The following RFLNA variants were observed in gnomAD, a reference collection of about 807,000 sequenced individuals.
The protein encoded by RFLNA is refilin-A.
In RFLNA, 5 loss-of-function variants were observed where a neutral mutation model predicts 7.8. That is an observed-to-expected ratio of 0.64 (90% CI 0.34 to 1.35). The LOEUF is 1.35. Among genes scored for constraint, RFLNA ranks in the 40% most tolerant of loss-of-function variants. RFLNA has a pLI of 0.04. For missense variants in RFLNA, 278 were observed against 305.5 expected (o/e 0.91, Z 0.67); for synonymous variants, 141 against 131.3 (o/e 1.07, Z -0.50).
chr12:124,306,788 G>A lies in RFLNA; in HGVS notation c.208-5030G>A, dbSNP rs1388518437. ...AAAAGCTCTGCATCCTCATTGTCCA[G>A]GCAGGTATGGGGGCGGCGGGGAGGG... On this transcript the variant is annotated intron_variant, in intron 1 of 2. Transcript: ENST00000546355. The surrounding 1 kb of genome is among the most constrained non-coding windows in gnomAD (Gnocchi z 5.2). Among the ~76,000 whole-genome samples, 1 of 152,184 alleles carries A rather than the reference G, an allele frequency of 6.6e-6. No individual in the cohort carries two copies. The highest frequency in any genetic ancestry group is 2.4e-5 in the African/African-American group (1 of 41,438).
chr12:124,291,707 C>T (rs1243707990), upstream of RFLNA, among the ~76,000 whole-genome samples: 4 of 143,324 alleles, frequency 2.8e-5, no homozygotes, highest in Non-Finnish European at 3.0e-5. Flanking sequence ...AATGGCTCTC[C>T]GTGAAAAAGC....
intron 2 of RFLNA, among the ~76,000 whole-genome samples, chr12:124,313,984 G>A (rs1281807311): frequency 2.6e-5 from 4 of 152,122 alleles, no homozygotes; most frequent in Non-Finnish European, 5.9e-5. Context: ...CCTTCATTGC[G>A]TTTAGCTGTC....
chr12:124,292,572 G>C (rs1377827996), upstream of RFLNA, among the ~76,000 whole-genome samples: 1 of 152,242 alleles, frequency 6.6e-6, no homozygotes, highest in Non-Finnish European at 1.5e-5. Context: ...GAATAGGTCA[G>C]AGGTCATGGT....
At chr12:124,309,300 G>A (rs568858108) in intron 1 of RFLNA, among the ~76,000 whole-genome samples, 134 of 152,272 alleles carry the variant, frequency 8.8e-4, no homozygotes, top group African/African-American at 3.1e-3. Flanking sequence ...TTGCCCTGTC[G>A]ACCACAGCCC....
upstream of RFLNA, among the ~76,000 whole-genome samples, chr12:124,290,998 C>T (rs1014566085): frequency 1.3e-5 from 2 of 152,146 alleles, no homozygotes; most frequent in Admixed American, 6.5e-5. This position sits in a 1 kb window ranked among gnomAD's most constrained non-coding sequence, Gnocchi z 4.0. Flanking sequence ...CTCCAATGCG[C>T]TCAGATGGCC....
intron 1 of RFLNA, among the ~76,000 whole-genome samples, chr12:124,309,815 G>A (rs1284591588): frequency 6.6e-6 from 1 of 152,150 alleles, no homozygotes; most frequent in African/African-American, 2.4e-5. Flanking sequence ...GTTCCCAACG[G>A]GTTGGCGGTG....
intron 2 of RFLNA, 23 bp from the exon 3 acceptor site, chr12:124,314,169 C>T (rs746084849): frequency 1.8e-5 from 28 of 1,597,384 alleles, no homozygotes; most frequent in Non-Finnish European, 2.1e-5. Flanking sequence ...GGGTTCACTC[C>T]GCTTCCCTCC....
At chr12:124,290,401 C>CATGTGTATATGTAGGTA (rs2033803098), upstream of RFLNA, among the ~76,000 whole-genome samples, 2 of 151,910 alleles carry the variant, frequency 1.3e-5, no homozygotes, top group African/African-American at 4.8e-5. The surrounding 1 kb of genome is among the most constrained non-coding windows in gnomAD (Gnocchi z 4.0). Flanking sequence ...TATGTGTTTA[C>CATGTGTATATGTAGGTA]CTGTGTATAT....
upstream of RFLNA, among the ~76,000 whole-genome samples, chr12:124,290,335 CAT>C (rs1167807146): frequency 3.9e-5 from 6 of 151,906 alleles, no homozygotes; most frequent in African/African-American, 4.8e-5. The surrounding 1 kb of genome is among the most constrained non-coding windows in gnomAD (Gnocchi z 4.0). Context: ...TGTGCATTTG[CAT>C]ATGTGTGTGC....
intron 1 of RFLNA, among the ~76,000 whole-genome samples, chr12:124,298,094 G>A (rs564321125): frequency 3.9e-5 from 6 of 152,306 alleles, no homozygotes; most frequent in Non-Finnish European, 8.8e-5. Context: ...CGTTTGGCAG[G>A]GTGGGTGTCT....
Position 124,314,641 on chromosome 12 carries a change from C to T in RFLNA, c.*116C>T. ...GGGCAGGAGGCGGGAAGGGAGGCTGCCAGACCAAGGACCCGTGTGGAAGGA... is the reference window on the plus strand; with the variant it reads ...GGGCAGGAGGCGGGAAGGGAGGCTGTCAGACCAAGGACCCGTGTGGAAGGA... On this transcript the variant is annotated 3_prime_UTR_variant, in exon 3 of 3. Transcript: ENST00000546355. 6.7e-7 allele frequency: 1 copy of T among 1,498,744 alleles called. No homozygotes were observed. The highest frequency in any genetic ancestry group is 9.0e-7 in the Non-Finnish European group (1 of 1,113,604). The allele number at this position is 1,498,744 out of a possible 1,614,324, so 92.8% of individuals were successfully genotyped here. A position where few individuals can be genotyped will look rare whatever the true frequency, so the allele number is the denominator to read the frequency against.
In RFLNA at chr12:124,314,925, C is replaced by A; in HGVS notation, c.*400C>A. 2.7e-6 allele frequency: 1 copy of A among 374,474 alleles called. No homozygotes were observed. The allele number at this position is 374,474 out of a possible 1,614,324, so 23.2% of individuals were successfully genotyped here. The stretch of plus-strand genomic sequence containing the variant: ...TCAGCCGGTGGGGACGGCTGCCACT[C>A]CCCCAGAGCCCTGCCACCCCATGTG... On this transcript the variant is annotated 3_prime_UTR_variant, in exon 3 of 3. Coordinates refer to ENST00000546355, the MANE Select transcript of RFLNA (RefSeq NM_001365156.1).
At chr12:124,294,390 G>A (rs1437960901), upstream of RFLNA, among the ~76,000 whole-genome samples, 1 of 152,206 alleles carries the variant, frequency 6.6e-6, no homozygotes, top group Non-Finnish European at 1.5e-5. Context: ...GGGCGTCTGT[G>A]TGGCTGGGCG....
Position 124,314,439 on chromosome 12 carries a change from C to T in RFLNA, c.565C>T (p.Arg189Trp), listed in dbSNP as rs753625556. 33 of 1,601,444 alleles carry T rather than the reference C, an allele frequency of 2.1e-5. No individual in the cohort carries two copies. The East Asian group carries it at 4.5e-4, about 22-fold the overall frequency. ...FRTTLHCSLGRPSRWFTASVQ... is the reference protein window; with the variant it reads ...FRTTLHCSLGWPSRWFTASVQ... ...GACCACCCTGCACTGCAGCCTGGGC[C>T]GGCCCAGCCGCTGGTTCACCGCCAG... Residue 189 changes from arginine to tryptophan, a missense_variant, in exon 3 of 3, where the codon CGG (arginine) becomes TGG (tryptophan). Physicochemically the swap from Arg to Trp is moderately radical, Grantham distance 101. Transcript: ENST00000546355.
chr12:124,290,479 G>T (rs1287389413), upstream of RFLNA, among the ~76,000 whole-genome samples: 1 of 151,406 alleles, frequency 6.6e-6, no homozygotes, highest in African/African-American at 2.4e-5. The surrounding 1 kb of genome is among the most constrained non-coding windows in gnomAD (Gnocchi z 4.0). Flanking sequence ...GTGTGTGCTT[G>T]TGTGTACACA....
upstream of RFLNA, among the ~76,000 whole-genome samples, chr12:124,290,696 G>C (rs1051593214): frequency 2.0e-5 from 3 of 152,216 alleles, no homozygotes; most frequent in Non-Finnish European, 2.9e-5. This position sits in a 1 kb window ranked among gnomAD's most constrained non-coding sequence, Gnocchi z 4.0. Flanking sequence ...GTGTGGTGAT[G>C]AGAGCAGGGC....
upstream of RFLNA, among the ~76,000 whole-genome samples, chr12:124,293,475 C>A (rs2033854016): frequency 1.3e-5 from 2 of 152,162 alleles, no homozygotes; most frequent in South Asian, 2.1e-4. Context: ...CCCCCTCCCC[C>A]CACCGCTTTC....
At chr12:124,313,930 T>C (rs916252834) in intron 2 of RFLNA, among the ~76,000 whole-genome samples, 4 of 152,208 alleles carry the variant, frequency 2.6e-5, no homozygotes, top group Admixed American at 6.5e-5. Flanking sequence ...GATAAGGTCC[T>C]TTCCTGGCTT....
chr12:124,303,382 C>G (rs1425721665), intron 1 of RFLNA, among the ~76,000 whole-genome samples: 11 of 152,192 alleles, frequency 7.2e-5, no homozygotes, highest in Non-Finnish European at 1.5e-5. Flanking sequence ...GGGCCCTTGG[C>G]GAGTGTCCAC....
Sources: allele counts gnomAD v4.1 joint callset (sites outside exome capture counted in the v4.1 genomes callset), GRCh38; gene constraint gnomAD v4.1.1; non-coding constraint Gnocchi (gnomAD v3.1); transcripts MANE v1.5; gene names NCBI Gene and HGNC (gene_info 2026-07-23, HGNC 2026-07-21).